Variants in ARL15 observed in about 807,000 individuals in gnomAD.
The protein encoded by ARL15 is ADP-ribosylation factor-like protein 15.
ARL15 carries 19 observed loss-of-function variants against 25.2 expected under a neutral mutation model. The ratio of observed to expected loss-of-function variants is 0.75; its 90% CI spans 0.53 to 1.10. ARL15 has a LOEUF of 1.10. Among genes scored for constraint, ARL15 ranks in the 50% least tolerant of loss-of-function variants. The pLI is 0.00. For missense variants in ARL15, 220 were observed against 246.0 expected (o/e 0.89, Z 0.71); for synonymous variants, 94 against 86.8 (o/e 1.08, Z -0.46).
intron 4 of ARL15, among the ~76,000 whole-genome samples, chr5:53,976,312 G>A (rs1747920375): frequency 6.6e-6 from 1 of 152,158 alleles, no homozygotes. Context: ...AATAATATTT[G>A]CACATGCTCC....
intron 1 of ARL15, among the ~76,000 whole-genome samples, chr5:54,263,417 G>C (rs1239845797): frequency 2.0e-5 from 3 of 152,144 alleles, no homozygotes; most frequent in Non-Finnish European, 4.4e-5. Context: ...ACAGTGCAGA[G>C]AGAAAAACAA....
chr5:54,176,418 T>C (rs953062452), intron 1 of ARL15, among the ~76,000 whole-genome samples: 4 of 152,232 alleles, frequency 2.6e-5, no homozygotes, highest in Non-Finnish European at 5.9e-5. Context: ...AGTTTTCATT[T>C]GTTTTTTGTT....
intron 4 of ARL15, among the ~76,000 whole-genome samples, chr5:53,963,038 T>C (rs1196190500): frequency 2.0e-5 from 3 of 152,154 alleles, no homozygotes; most frequent in African/African-American, 7.2e-5. Context: ...GCTATTAATC[T>C]ACAGCCTCTA....
intron 4 of ARL15, among the ~76,000 whole-genome samples, chr5:53,909,947 T>C (rs569055192): frequency 6.6e-6 from 1 of 152,330 alleles, no homozygotes; most frequent in East Asian, 1.9e-4. Context: ...TAAATATAGT[T>C]GCTTTTTAAC....
intron 1 of ARL15, among the ~76,000 whole-genome samples, chr5:54,197,297 C>T (rs1389931304): frequency 6.6e-6 from 1 of 151,948 alleles, no homozygotes; most frequent in African/African-American, 2.4e-5. Context: ...CTCATGAATG[C>T]CAGGGAAAGA....
At chr5:53,955,410 C>T (rs1420779330) in intron 4 of ARL15, among the ~76,000 whole-genome samples, 1 of 152,098 alleles carries the variant, frequency 6.6e-6, no homozygotes, top group Admixed American at 6.5e-5. Flanking sequence ...GAAATTAAAG[C>T]TCCAAAACTG....
chr5:54,115,840 T>C (rs1315256820), intron 3 of ARL15, among the ~76,000 whole-genome samples: 3 of 152,056 alleles, frequency 2.0e-5, no homozygotes, highest in Non-Finnish European at 2.9e-5. Flanking sequence ...ATTCATTACT[T>C]AGGTGGTGGT....
intron 1 of ARL15, among the ~76,000 whole-genome samples, chr5:54,238,638 G>T (rs1336398184): frequency 1.3e-5 from 2 of 152,084 alleles, no homozygotes; most frequent in African/African-American, 2.4e-5. Context: ...ACATTAAGCC[G>T]ACTTCACAGA....
chr5:54,090,057 T>C (rs1752086836), intron 4 of ARL15, among the ~76,000 whole-genome samples: 2 of 152,210 alleles, frequency 1.3e-5, no homozygotes, highest in African/African-American at 2.4e-5. Context: ...CCTATAACTC[T>C]TTCTATTCTT....
At chr5:54,306,816 T>G (rs1468080507) in intron 1 of ARL15, among the ~76,000 whole-genome samples, 1 of 152,258 alleles carries the variant, frequency 6.6e-6, no homozygotes, top group East Asian at 1.9e-4. Flanking sequence ...ACTGTTGTTT[T>G]GATGGCGCAG....
chr5:54,161,015 G>A (rs1191689916), intron 2 of ARL15, among the ~76,000 whole-genome samples: 1 of 151,956 alleles, frequency 6.6e-6, no homozygotes, highest in African/African-American at 2.4e-5. Context: ...TATTCTTATA[G>A]TTTTTCTCTA....
At chr5:54,193,217 C>T (rs1423950161) in intron 1 of ARL15, among the ~76,000 whole-genome samples, 1 of 152,190 alleles carries the variant, frequency 6.6e-6, no homozygotes, top group Non-Finnish European at 1.5e-5. Context: ...TTTCCTATTT[C>T]AGTAAATTGC....
intron 4 of ARL15, among the ~76,000 whole-genome samples, chr5:54,058,791 T>C (rs574901626): frequency 6.6e-6 from 1 of 152,176 alleles, no homozygotes; most frequent in East Asian, 1.9e-4. Context: ...AGGAGAGTCT[T>C]GAACAGAGGA....
chr5:53,900,061 T>C (rs1745015851), intron 4 of ARL15, among the ~76,000 whole-genome samples: 1 of 152,200 alleles, frequency 6.6e-6, no homozygotes, highest in Non-Finnish European at 1.5e-5. Context: ...GGCCTGTGGT[T>C]GACAGAAACA....
At chr5:54,000,778 A>G (rs1238849729) in intron 4 of ARL15, among the ~76,000 whole-genome samples, 1 of 152,218 alleles carries the variant, frequency 6.6e-6, no homozygotes, top group Non-Finnish European at 1.5e-5. Flanking sequence ...TTTGATCTGT[A>G]CAAACTTGTT....
intron 4 of ARL15, among the ~76,000 whole-genome samples, chr5:53,986,072 C>CA (rs991805176): frequency 1.3e-5 from 2 of 152,286 alleles, no homozygotes; most frequent in Non-Finnish European, 2.9e-5. Flanking sequence ...TCCAATTAGT[C>CA]AGTGTTTTAT....
At position 54,092,070 on chromosome 5, in the gene ARL15, A is replaced by ACAC. The variant is rs1554039834; in HGVS notation, c.462+21129_462+21131dup. On this transcript the variant is annotated intron_variant, in intron 4 of 4. Coordinates refer to ENST00000504924, the MANE Select transcript of ARL15 (RefSeq NM_019087.3). The stretch of plus-strand genomic sequence containing the variant: ...AAAACACACACACACACACACACAC[A>ACAC]CACCACCACCACCACCACCATCACC... 9.1e-3 allele frequency among the ~76,000 whole-genome samples: 1,382 copies of ACAC among 151,570 alleles called. 21 individuals are homozygous for ACAC. The highest frequency in any genetic ancestry group is 0.032 in the African/African-American group (1,316 of 41,312).
At chr5:54,009,034 T>C (rs528913084) in intron 4 of ARL15, among the ~76,000 whole-genome samples, 1 of 152,328 alleles carries the variant, frequency 6.6e-6, no homozygotes, top group East Asian at 1.9e-4. Flanking sequence ...TAGAATATCC[T>C]GGCAGTAGTA....
At chr5:54,116,544 C>CAA (rs1354960355) in intron 3 of ARL15, among the ~76,000 whole-genome samples, 1 of 152,206 alleles carries the variant, frequency 6.6e-6, no homozygotes, top group Non-Finnish European at 1.5e-5. Context: ...TTGTAAGACT[C>CAA]AATGCAGCAT....
Sources: allele counts gnomAD v4.1 joint callset (sites outside exome capture counted in the v4.1 genomes callset), GRCh38; gene constraint gnomAD v4.1.1; transcripts MANE v1.5; gene names NCBI Gene and HGNC (gene_info 2026-07-23, HGNC 2026-07-21).